The following LRRC53 variants were observed in gnomAD, a reference collection of about 807,000 sequenced individuals.
LRRC53 encodes the protein leucine rich repeat containing 53, also known as leucine-rich repeat-containing protein 53.
Under a neutral mutation model 13.6 loss-of-function variants are expected in LRRC53, and 25 were observed. The ratio of observed to expected loss-of-function variants is 1.83; its 90% CI spans 1.34 to 2.56. LRRC53 has a LOEUF of 2.56. Ranked by LOEUF, LRRC53 falls within the 30% of genes most tolerant of loss-of-function variation. The pLI is 0.00. For missense variants in LRRC53, 527 were observed against 275.8 expected (o/e 1.91, Z -6.45); for synonymous variants, 204 against 109.8 (o/e 1.86, Z -5.37).
chr1:74,536,683 G>A, the LRRC53 span, among the ~76,000 whole-genome samples: 1 of 151,842 alleles, frequency 6.6e-6, no homozygotes, highest in African/African-American at 2.4e-5. Context: ...TACCCATATA[G>A]GAGCTAATAA....
At chr1:74,512,156 T>C (rs34250428) in intron 1 of LRRC53, among the ~76,000 whole-genome samples, 41 of 152,312 alleles carry the variant, frequency 2.7e-4, no homozygotes, top group Non-Finnish European at 5.0e-4. Flanking sequence ...CCCTGGGGCA[T>C]GACTCGAACC....
At chr1:74,474,350 A>G (rs904446555) in intron 4 of LRRC53, among the ~76,000 whole-genome samples, 8 of 152,092 alleles carry the variant, frequency 5.3e-5, no homozygotes, top group African/African-American at 1.9e-4. Flanking sequence ...GAAATCATCA[A>G]CCCCCAGACA....
intron 3 of LRRC53, among the ~76,000 whole-genome samples, chr1:74,479,041 G>T (rs771580606): frequency 6.6e-6 from 1 of 152,132 alleles, no homozygotes; most frequent in Non-Finnish European, 1.5e-5. Flanking sequence ...TTGTCAGGAA[G>T]TAAAAATACA....
chr1:74,504,611 G>C (rs964595113), intron 1 of LRRC53, among the ~76,000 whole-genome samples: 1 of 152,050 alleles, frequency 6.6e-6, no homozygotes, highest in Admixed American at 6.5e-5. Context: ...TATGAGAAGA[G>C]CCCTACGTGT....
intron 1 of LRRC53, among the ~76,000 whole-genome samples, chr1:74,511,034 T>C (rs1670187549): frequency 6.6e-6 from 1 of 150,856 alleles, no homozygotes; most frequent in South Asian, 2.1e-4. Flanking sequence ...ATTACAGGCG[T>C]CTGCCACCAT....
chr1:74,532,249 G>A, the LRRC53 span, among the ~76,000 whole-genome samples: 1 of 152,130 alleles, frequency 6.6e-6, no homozygotes, highest in Non-Finnish European at 1.5e-5. Context: ...TTGGATAAAG[G>A]AAAGTATCAT....
the LRRC53 span, among the ~76,000 whole-genome samples, chr1:74,518,873 CCTTT>C: frequency 0.039 from 3,919 of 100,252 alleles, 416 homozygotes; most frequent in African/African-American, 0.16. Flanking sequence ...TTTTTTTTCC[CCTTT>C]TTTTTTTTTT....
chr1:74,506,927 T>C (rs569775040), intron 1 of LRRC53, among the ~76,000 whole-genome samples: 34 of 152,194 alleles, frequency 2.2e-4, no homozygotes, highest in Non-Finnish European at 4.0e-4. Flanking sequence ...ACTTTCTACT[T>C]GGTATCATGT....
chr1:74,486,841 A>G (rs1244495828), intron 1 of LRRC53, among the ~76,000 whole-genome samples: 1 of 152,174 alleles, frequency 6.6e-6, no homozygotes, highest in Non-Finnish European at 1.5e-5. Flanking sequence ...CTCAAAGCCA[A>G]TTGAAAAACA....
chr1:74,481,688 AC>A (rs1320138362), intron 2 of LRRC53, among the ~76,000 whole-genome samples: 10 of 152,184 alleles, frequency 6.6e-5, no homozygotes, highest in Admixed American at 1.3e-4. Flanking sequence ...AAATCCCTTC[AC>A]CATAATCACC....
At chr1:74,521,520 A>G in the LRRC53 span, among the ~76,000 whole-genome samples, 16 of 152,120 alleles carry the variant, frequency 1.1e-4, no homozygotes, top group Non-Finnish European at 1.9e-4. Flanking sequence ...GTATGTGTAT[A>G]TATATATATA....
At chr1:74,531,186 G>A in the LRRC53 span, among the ~76,000 whole-genome samples, 1 of 152,118 alleles carries the variant, frequency 6.6e-6, no homozygotes. Context: ...ACTAACCTCT[G>A]GCCCCATTAA....
intron 1 of LRRC53, among the ~76,000 whole-genome samples, chr1:74,495,466 C>G (rs1192726515): frequency 1.3e-5 from 2 of 152,036 alleles, no homozygotes; most frequent in Non-Finnish European, 2.9e-5. Flanking sequence ...TAAATTGGCT[C>G]AATAAACAGG....
At chr1:74,534,327 A>T in the LRRC53 span, among the ~76,000 whole-genome samples, 76,752 of 152,030 alleles carry the variant, frequency 0.5, 20,385 homozygotes, top group East Asian at 0.73. Context: ...TTTTAAAAAA[A>T]TGATTCCTTT....
At chr1:74,507,221 T>TAA (rs1553153836) in intron 1 of LRRC53, among the ~76,000 whole-genome samples, 1 of 86,024 alleles carries the variant, frequency 1.2e-5, no homozygotes, top group Non-Finnish European at 2.6e-5. Flanking sequence ...TTAAATTTCT[T>TAA]CACCCCCCCC....
chr1:74,491,633 C>G (rs536385125), intron 1 of LRRC53, among the ~76,000 whole-genome samples: 2 of 152,246 alleles, frequency 1.3e-5, no homozygotes, highest in African/African-American at 2.4e-5. Flanking sequence ...CACATTAAAG[C>G]ATTTTTCGTC....
intron 1 of LRRC53, among the ~76,000 whole-genome samples, chr1:74,489,655 G>A (rs1668949992): frequency 6.6e-6 from 1 of 152,124 alleles, no homozygotes; most frequent in African/African-American, 2.4e-5. Context: ...AATAAAATAT[G>A]TTCATAAATT....
At chr1:74,533,562 G>T in the LRRC53 span, among the ~76,000 whole-genome samples, 14 of 152,270 alleles carry the variant, frequency 9.2e-5, no homozygotes, top group African/African-American at 3.1e-4. Flanking sequence ...CTATTACTGG[G>T]TATATACCCA....
At chr1:74,491,949 T>C (rs1223044032) in intron 1 of LRRC53, 25 of 1,243,244 alleles carry the variant, frequency 2.0e-5, no homozygotes, top group Non-Finnish European at 3.2e-6. Flanking sequence ...CTAGACTTTT[T>C]CCTGAAAGGA....
Sources: allele counts gnomAD v4.1 joint callset (sites outside exome capture counted in the v4.1 genomes callset), GRCh38; gene constraint gnomAD v4.1.1; transcripts MANE v1.5; gene names NCBI Gene and HGNC (gene_info 2026-07-23, HGNC 2026-07-21).